ANO3: variants seen among roughly 807,000 people sequenced by gnomAD.
The protein encoded by ANO3 is anoctamin-3.
Under a neutral mutation model 144.8 loss-of-function variants are expected in ANO3, and 99 were observed. That is an observed-to-expected ratio of 0.68 (90% CI 0.58 to 0.81). ANO3 has a LOEUF of 0.81. Among genes scored for constraint, ANO3 ranks in the 30% least tolerant of loss-of-function variants. The probability of loss-of-function intolerance (pLI) is 0.00; values close to 1 mark genes in which losing one functional copy is unlikely to be tolerated. For missense variants in ANO3, 905 were observed against 1,202.2 expected (o/e 0.75, Z 3.66); for synonymous variants, 414 against 392.6 (o/e 1.05, Z -0.64).
chr11:26,229,929 T>C (rs1852352608), intron 1 of ANO3, among the ~76,000 whole-genome samples: 1 of 152,198 alleles, frequency 6.6e-6, no homozygotes, highest in Non-Finnish European at 1.5e-5. Context: ...TTTACTTTTA[T>C]ATAGTAAAAA....
At chr11:26,559,572 T>G in intron 13 of ANO3, 147 bp from the exon 14 acceptor site, 1 of 611,670 alleles carries the variant, frequency 1.6e-6, no homozygotes, top group Non-Finnish European at 2.9e-6. Flanking sequence ...GCAAGACCCA[T>G]GAAAGGAATT....
chr11:26,467,439 A>G lies in ANO3; in HGVS notation c.432+4291A>G, dbSNP rs1413432933. On this transcript the variant is annotated intron_variant, in intron 4 of 26. Transcript: ENST00000256737. ...ATCATCCCCTCTCCCCTTGCCCTAC[A>G]TTTCCCAAACCCTGGTAATCATCAT... is the stretch of plus-strand genomic sequence containing the variant. 2.6e-5 allele frequency among the ~76,000 whole-genome samples: 4 copies of G among 151,862 alleles called. No individual in the cohort carries two copies. The East Asian group carries it at 7.8e-4, about 30-fold the overall frequency.
intron 12 of ANO3, among the ~76,000 whole-genome samples, chr11:26,547,802 A>G (rs2134218252): frequency 6.6e-6 from 1 of 152,092 alleles, no homozygotes; most frequent in African/African-American, 2.4e-5. Flanking sequence ...TCTTTCCAGT[A>G]TATACCATAT....
At chr11:26,382,109 G>C (rs972215071) in intron 1 of ANO3, among the ~76,000 whole-genome samples, 1 of 151,576 alleles carries the variant, frequency 6.6e-6, no homozygotes, top group African/African-American at 2.4e-5. Flanking sequence ...TTAATAAATA[G>C]ATATATTTCA....
intron 1 of ANO3, among the ~76,000 whole-genome samples, chr11:26,381,786 A>T (rs1856596120): frequency 6.6e-6 from 1 of 152,144 alleles, no homozygotes; most frequent in African/African-American, 2.4e-5. Flanking sequence ...GAGCTTTCCT[A>T]ATCAGGGGAC....
intron 24 of ANO3, among the ~76,000 whole-genome samples, chr11:26,653,025 C>A (rs1853580015): frequency 6.6e-6 from 1 of 152,222 alleles, no homozygotes; most frequent in Non-Finnish European, 1.5e-5. Context: ...TTCTCCTCAT[C>A]TCTCAGCTTT....
intron 4 of ANO3, among the ~76,000 whole-genome samples, chr11:26,494,465 T>G (rs1860845223): frequency 6.6e-6 from 1 of 152,132 alleles, no homozygotes; most frequent in African/African-American, 2.4e-5. Context: ...AGATAGGAAG[T>G]AGAAGTGAGT....
intron 1 of ANO3, among the ~76,000 whole-genome samples, chr11:26,365,981 TATATATATATATATATA>T (rs1250306835): frequency 0.32 from 2,318 of 7,244 alleles, 60 homozygotes; most frequent in Non-Finnish European, 0.39. Flanking sequence ...TATATATATA[TATATATATATATATATA>T]TATATTTTAA....
chr11:26,252,255 C>A (rs1321837280), intron 1 of ANO3, among the ~76,000 whole-genome samples: 1 of 152,300 alleles, frequency 6.6e-6, no homozygotes, highest in Non-Finnish European at 1.5e-5. Flanking sequence ...ATAAAATACA[C>A]AAACGCATCA....
At chr11:26,508,522 A>G (rs1409524913) in intron 5 of ANO3, 1 of 387,078 alleles carries the variant, frequency 2.6e-6, no homozygotes, top group Non-Finnish European at 4.5e-6. Flanking sequence ...GAATGATTAT[A>G]GTTATGTCAA....
intron 11 of ANO3, among the ~76,000 whole-genome samples, chr11:26,544,297 C>CAT (rs1849731154): frequency 1.1e-5 from 1 of 89,286 alleles, no homozygotes; most frequent in Admixed American, 1.1e-4. Flanking sequence ...CACACACACA[C>CAT]ATATGTATAT....
intron 1 of ANO3, among the ~76,000 whole-genome samples, chr11:26,264,210 A>G (rs1853257455): frequency 1.3e-5 from 2 of 152,230 alleles, no homozygotes; most frequent in South Asian, 4.1e-4. Flanking sequence ...AAATTAAACT[A>G]CAACATGTAG....
chr11:26,554,306 CTGTT>C (rs1176571606), intron 13 of ANO3, among the ~76,000 whole-genome samples: 32 of 151,990 alleles, frequency 2.1e-4, no homozygotes, highest in African/African-American at 5.5e-4. Context: ...TATCTATACC[CTGTT>C]TGTTTATTTC....
At chr11:26,552,445 A>G (rs568958135) in intron 12 of ANO3, among the ~76,000 whole-genome samples, 1 of 152,158 alleles carries the variant, frequency 6.6e-6, no homozygotes, top group African/African-American at 2.4e-5. Flanking sequence ...ACATTTCTAG[A>G]GAAGAGTTAA....
intron 10 of ANO3, among the ~76,000 whole-genome samples, chr11:26,539,138 AC>A (rs1466598091): frequency 4.3e-3 from 4 of 930 alleles, no homozygotes; most frequent in African/African-American, 4.8e-3. Context: ...AGAAATACAC[AC>A]ACACACACAC....
intron 24 of ANO3, among the ~76,000 whole-genome samples, chr11:26,648,301 A>G (rs1853415078): frequency 6.6e-6 from 1 of 152,056 alleles, no homozygotes; most frequent in Admixed American, 6.6e-5. Flanking sequence ...GTGACTGGAG[A>G]TTTTCAAAAG....
intron 1 of ANO3, among the ~76,000 whole-genome samples, chr11:26,223,678 A>C (rs1852198025): frequency 6.6e-6 from 1 of 151,636 alleles, no homozygotes; most frequent in Non-Finnish European, 1.5e-5. Context: ...ACAGTTCTGC[A>C]AGCTGTACAT....
chr11:26,441,865 G>A, intron 1 of ANO3, 53 bp from the exon 2 acceptor site: 1 of 1,379,972 alleles, frequency 7.2e-7, no homozygotes, highest in Non-Finnish European at 1.0e-6. Context: ...ACTTTTTATT[G>A]ACCTCTACTG....
chr11:26,486,406 A>AT (rs1278260953), intron 4 of ANO3, among the ~76,000 whole-genome samples: 3 of 151,340 alleles, frequency 2.0e-5, no homozygotes, highest in Non-Finnish European at 4.4e-5. Context: ...AAAAATATAC[A>AT]TTTTTTGTAT....
Sources: gnomAD v4.1 joint callset for allele counts (sites outside exome capture counted in the v4.1 genomes callset) on GRCh38, gnomAD v4.1.1 for gene constraint, MANE v1.5 for transcripts, NCBI Gene and HGNC (gene_info 2026-07-23, HGNC 2026-07-21) for gene names.